Variants in RAI14 observed in about 807,000 individuals in gnomAD.
The protein encoded by RAI14 is retinoic acid induced 14.
In RAI14, 45 loss-of-function variants were observed where a neutral mutation model predicts 115.4. The observed-to-expected ratio is 0.39, with a 90% CI of 0.31 to 0.50. RAI14 has a LOEUF of 0.50. RAI14 is among the 20% of genes least tolerant of loss of function. RAI14 has a pLI of 0.85. For missense variants in RAI14, 939 were observed against 1,131.2 expected, an observed-to-expected ratio of 0.83 and a Z score of 2.44; for synonymous variants, 371 against 415.4, an observed-to-expected ratio of 0.89 and a Z score of 1.30.
At chr5:34,810,360 A>C (rs1346597267) in intron 7 of RAI14, among the ~76,000 whole-genome samples, 1 of 152,198 alleles carries the variant, frequency 6.6e-6, no homozygotes, top group Non-Finnish European at 1.5e-5. Context: ...TGTAATGTTT[A>C]AATGCTTAAT....
chr5:34,729,803 G>A (rs1053248879), intron 2 of RAI14, among the ~76,000 whole-genome samples: 5 of 152,154 alleles, frequency 3.3e-5, no homozygotes, highest in African/African-American at 1.2e-4. Context: ...GCCACCATTT[G>A]CAATGTATGA....
At chr5:34,672,828 C>G (rs1743711456) in intron 1 of RAI14, among the ~76,000 whole-genome samples, 1 of 152,018 alleles carries the variant, frequency 6.6e-6, no homozygotes, top group African/African-American at 2.4e-5. Flanking sequence ...GCCCCAGCAC[C>G]CCTTCTCACC....
At chr5:34,703,517 T>C (rs1017383036) in intron 2 of RAI14, among the ~76,000 whole-genome samples, 1 of 152,230 alleles carries the variant, frequency 6.6e-6, no homozygotes, top group Admixed American at 6.5e-5. Context: ...TTTCAATGTG[T>C]TTCTATTTCT....
chr5:34,712,584 A>G (rs1315225504), intron 2 of RAI14, among the ~76,000 whole-genome samples: 1 of 152,202 alleles, frequency 6.6e-6, no homozygotes, highest in Non-Finnish European at 1.5e-5. Flanking sequence ...AGTTGTAATG[A>G]TGTGTTGAAA....
At position 34,826,539 on chromosome 5, in the gene RAI14, A is replaced by G. The variant is rs73078684; in HGVS notation, c.2799+60A>G. ...TGGAGGGCCTGGCAGATTTCCTACC[A>G]TCTCAGCTGCTAGGGCAAGTGGGCG... On this transcript the variant is annotated intron_variant, in intron 16 of 17. Coordinates refer to ENST00000265109, the MANE Select transcript of RAI14 (RefSeq NM_015577.3). The G allele has an allele frequency of 3.8e-6, 6 of 1,567,888 alleles. No individual in the cohort carries two copies. In the Admixed American group the frequency reaches 5.5e-5, roughly 14 times the overall value.
intron 3 of RAI14, among the ~76,000 whole-genome samples, chr5:34,775,542 G>A (rs1750729425): frequency 6.6e-6 from 1 of 152,160 alleles, no homozygotes; most frequent in African/African-American, 2.4e-5. Context: ...AGACCAGCCT[G>A]GGCAACATGG....
At chr5:34,738,014 T>G (rs1394320515) in intron 2 of RAI14, among the ~76,000 whole-genome samples, 1 of 152,226 alleles carries the variant, frequency 6.6e-6, no homozygotes, top group Non-Finnish European at 1.5e-5. Flanking sequence ...TCTTTTGGAC[T>G]GCTAAAGCTT....
chr5:34,687,202 GA>G (rs1360677555), intron 2 of RAI14, among the ~76,000 whole-genome samples: 3 of 152,120 alleles, frequency 2.0e-5, no homozygotes, highest in Non-Finnish European at 2.9e-5. Context: ...GCCTTGTAGA[GA>G]AAGGAACCGT....
rs1440223595 is a variant in RAI14, at chr5:34,823,907, A to G, written c.2065A>G (p.Asn689Asp). Residue 689 changes from asparagine to aspartate, a missense_variant, in exon 15 of 18, where the codon AAC becomes GAC. By Grantham distance (23) the Asn-to-Asp change is conservative (BLOSUM62 1). Coordinates refer to ENST00000265109, the MANE Select transcript of RAI14 (RefSeq NM_015577.3). The surrounding 1 kb of genome is among the most constrained non-coding windows in gnomAD (Gnocchi z 4.5). ...AEHEKLMQLT[N>D]VSRAKAEDAL... ...GCATGAGAAACTGATGCAATTGACA[A>G]ACGTGTCCAGGGCTAAAGCAGAAGA... 12 of 1,614,096 alleles carry G rather than the reference A, an allele frequency of 7.4e-6. No individual in the cohort carries two copies. The East Asian group carries it at 1.8e-4, about 24-fold the overall frequency.
At chr5:34,809,838 T>G (rs571497859) in intron 7 of RAI14, among the ~76,000 whole-genome samples, 1 of 152,274 alleles carries the variant, frequency 6.6e-6, no homozygotes, top group African/African-American at 2.4e-5. Context: ...ACGTAGAATC[T>G]CCCAACTTTG....
chr5:34,752,749 G>GTGTGTATA (rs371462831), intron 2 of RAI14, among the ~76,000 whole-genome samples: 2 of 107,056 alleles, frequency 1.9e-5, no homozygotes, highest in African/African-American at 7.5e-5. Flanking sequence ...GTGTGTGTGT[G>GTGTGTATA]TATATATATA....
At chr5:34,748,205 G>A (rs1746536731) in intron 2 of RAI14, among the ~76,000 whole-genome samples, 1 of 152,242 alleles carries the variant, frequency 6.6e-6, no homozygotes, top group East Asian at 1.9e-4. Context: ...GAGAGTGATG[G>A]ATTTCGGGGT....
rs1236800269 is a variant in RAI14, at chr5:34,656,352, G to A, written c.-172G>A. 1 of 152,046 alleles carries A rather than the reference G, an allele frequency of 6.6e-6. No homozygotes were observed. The highest frequency in any genetic ancestry group is 1.5e-5 in the Non-Finnish European group (1 of 67,990). The allele number at this position is 152,046 out of a possible 1,614,324, so 9.4% of individuals were successfully genotyped here. A position where few individuals can be genotyped will look rare whatever the true frequency, so the allele number is the denominator to read the frequency against. Reference sequence around the variant, plus strand: ...CACTGACCCCCGCAGCGGGGGAGGAGGAGGGACTGCGGCGCAGGAAGCCGA... The same window carrying A: ...CACTGACCCCCGCAGCGGGGGAGGAAGAGGGACTGCGGCGCAGGAAGCCGA... On this transcript the variant is annotated 5_prime_UTR_variant, in exon 1 of 18. Coordinates refer to ENST00000265109, the MANE Select transcript of RAI14 (RefSeq NM_015577.3).
chr5:34,656,576 G>T (rs1742275391), intron 1 of RAI14, 101 bp downstream of exon 1: 1 of 152,472 alleles, frequency 6.6e-6, no homozygotes, highest in African/African-American at 2.4e-5. Context: ...CGCTGGGGAC[G>T]GCGCCCGGGC....
intron 1 of RAI14, among the ~76,000 whole-genome samples, chr5:34,661,945 C>T (rs1742724176): frequency 6.6e-6 from 1 of 152,200 alleles, no homozygotes; most frequent in Non-Finnish European, 1.5e-5. Context: ...GCCAACACAC[C>T]TGCCTAGTTT....
intron 7 of RAI14, among the ~76,000 whole-genome samples, chr5:34,810,189 A>G (rs933330174): frequency 2.0e-5 from 3 of 152,178 alleles, no homozygotes; most frequent in Admixed American, 6.5e-5. Flanking sequence ...CCCTTTGCCT[A>G]TTGAATGCTT....
chr5:34,698,893 C>T (rs1403889750), intron 2 of RAI14, among the ~76,000 whole-genome samples: 2 of 152,018 alleles, frequency 1.3e-5, no homozygotes, highest in African/African-American at 2.4e-5. Context: ...GGGGCAAGAA[C>T]GACGGGATTT....
rs550360112 is a variant in RAI14, at chr5:34,670,542, C to G, written c.-49+14067C>G. On this transcript the variant is annotated intron_variant, in intron 1 of 17. Coordinates refer to ENST00000265109, the MANE Select transcript of RAI14 (RefSeq NM_015577.3). The stretch of plus-strand genomic sequence containing the variant: ...CTGTTATTATCATTGCTAATGTCAT[C>G]ATGCTCTTTATCACCCTGCCTTTAA... 3.0e-4 allele frequency among the ~76,000 whole-genome samples: 45 copies of G among 152,270 alleles called. 1 individual carries two copies. In the South Asian group the frequency reaches 9.3e-3, roughly 32 times the overall value.
chr5:34,776,009 G>A (rs1455422857), intron 3 of RAI14, among the ~76,000 whole-genome samples: 3 of 152,126 alleles, frequency 2.0e-5, no homozygotes, highest in Non-Finnish European at 4.4e-5. Flanking sequence ...CCATTATTTG[G>A]AAGCAACCTA....
Sources: allele counts gnomAD v4.1 joint callset (sites outside exome capture counted in the v4.1 genomes callset), GRCh38; gene constraint gnomAD v4.1.1; non-coding constraint Gnocchi (gnomAD v3.1); transcripts MANE v1.5; gene names NCBI Gene and HGNC (gene_info 2026-07-23, HGNC 2026-07-21).